Variants in ENPP6 observed in about 807,000 individuals in gnomAD.
ENPP6 encodes the protein glycerophosphocholine cholinephosphodiesterase ENPP6.
A neutral mutation model predicts 42.0 loss-of-function variants in ENPP6; 32 were observed. The ratio of observed to expected loss-of-function variants is 0.76; its 90% CI spans 0.58 to 1.02. The LOEUF (loss-of-function observed/expected upper bound fraction) is 1.02, where lower values mean the gene tolerates loss of function less well. ENPP6 is among the 50% of genes least tolerant of loss of function. The probability of loss-of-function intolerance (pLI) is 0.00; values close to 1 mark genes in which losing one functional copy is unlikely to be tolerated. For missense variants in ENPP6, 552 were observed against 566.8 expected (o/e 0.97, Z 0.27); for synonymous variants, 213 against 216.0 (o/e 0.99, Z 0.12).
At chr4:184,101,265 C>A (rs1315492184) in intron 6 of ENPP6, among the ~76,000 whole-genome samples, 5 of 148,748 alleles carry the variant, frequency 3.4e-5, no homozygotes, top group Non-Finnish European at 7.5e-5. Context: ...TTATGTGTGT[C>A]TGTGTTGCAC....
At chr4:184,109,243 CA>C (rs60675112) in intron 6 of ENPP6, among the ~76,000 whole-genome samples, 19,055 of 134,094 alleles carry the variant, frequency 0.14, 2,998 homozygotes, top group African/African-American at 0.38. Context: ...CAAAAAAAAA[CA>C]AAACAAACAA....
chr4:184,153,215 T>A (rs527863883), intron 2 of ENPP6, among the ~76,000 whole-genome samples: 16 of 150,650 alleles, frequency 1.1e-4, no homozygotes, highest in Admixed American at 6.0e-4. Context: ...AACCTCCGCC[T>A]CCTGGGTTCA....
intron 7 of ENPP6, among the ~76,000 whole-genome samples, chr4:184,093,386 C>A (rs77597193): frequency 0.36 from 53,987 of 151,708 alleles, 10,925 homozygotes; most frequent in East Asian, 0.62. Flanking sequence ...CACCTGTAAT[C>A]CCAGCACTTT....
chr4:184,125,418 G>A (rs1415904500), intron 2 of ENPP6, among the ~76,000 whole-genome samples: 1 of 152,176 alleles, frequency 6.6e-6, no homozygotes, highest in Non-Finnish European at 1.5e-5. Context: ...GGTGCCAGGA[G>A]ACCAGATGCT....
At chr4:184,195,869 A>T (rs1184302286) in intron 1 of ENPP6, among the ~76,000 whole-genome samples, 1 of 152,096 alleles carries the variant, frequency 6.6e-6, no homozygotes, top group Admixed American at 6.5e-5. Flanking sequence ...TTTAGCTTAG[A>T]CTCTCATCTG....
At chr4:184,116,330 G>A (rs1736313912) in intron 5 of ENPP6, among the ~76,000 whole-genome samples, 1 of 152,200 alleles carries the variant, frequency 6.6e-6, no homozygotes, top group Admixed American at 6.5e-5. Context: ...GCCCATTTCA[G>A]AGAAGAAAAA....
At chr4:184,116,745 C>G (rs1020710090) in intron 5 of ENPP6, 111 bp downstream of exon 5, 52 of 1,422,810 alleles carry the variant, frequency 3.7e-5, no homozygotes, top group Non-Finnish European at 4.8e-5. Flanking sequence ...AAAAAAGAAA[C>G]AAACACACAC....
intron 1 of ENPP6, among the ~76,000 whole-genome samples, chr4:184,208,952 G>A (rs975893438): frequency 3.5e-5 from 5 of 142,028 alleles, no homozygotes; most frequent in East Asian, 2.0e-4. Flanking sequence ...AGCCTAACTG[G>A]GAGGCACCCC....
chr4:184,097,456 G>A, intron 6 of ENPP6, 88 bp from the exon 7 acceptor site: 2 of 1,568,348 alleles, frequency 1.3e-6, no homozygotes, highest in Non-Finnish European at 1.7e-6. Context: ...TCCACCGGGG[G>A]GCGCTTTCCT....
chr4:184,149,793 C>G (rs930014977), intron 2 of ENPP6, among the ~76,000 whole-genome samples: 1 of 152,190 alleles, frequency 6.6e-6, no homozygotes, highest in African/African-American at 2.4e-5. Context: ...TTAAAAACTG[C>G]TGCCAGCATG....
chr4:184,172,015 G>A (rs1267835187), intron 1 of ENPP6, among the ~76,000 whole-genome samples: 4 of 152,260 alleles, frequency 2.6e-5, no homozygotes, highest in Non-Finnish European at 5.9e-5. Context: ...CTAGGCGGCC[G>A]GGAGGGTTTG....
intron 1 of ENPP6, among the ~76,000 whole-genome samples, chr4:184,159,072 T>C (rs1024547642): frequency 2.6e-5 from 4 of 152,222 alleles, no homozygotes; most frequent in Admixed American, 2.0e-4. Context: ...TGGCTACATG[T>C]TTTATGTCAT....
chr4:184,189,175 C>T (rs143887104), intron 1 of ENPP6, among the ~76,000 whole-genome samples: 1 of 152,150 alleles, frequency 6.6e-6, no homozygotes, highest in African/African-American at 2.4e-5. Flanking sequence ...TTTCTCCTCT[C>T]AGCCGCCTTC....
At chr4:184,171,825 G>A (rs896516611) in intron 1 of ENPP6, among the ~76,000 whole-genome samples, 9 of 151,812 alleles carry the variant, frequency 5.9e-5, no homozygotes, top group African/African-American at 1.7e-4. Flanking sequence ...GGCACGATTC[G>A]AGATGCTGAG....
At chr4:184,091,943 C>A (rs1412221741) in intron 7 of ENPP6, among the ~76,000 whole-genome samples, 2 of 152,128 alleles carry the variant, frequency 1.3e-5, no homozygotes, top group Non-Finnish European at 2.9e-5. Flanking sequence ...TAACTGTGCT[C>A]TCTTTGTGAC....
chr4:184,097,846 G>T (rs1208712726), intron 6 of ENPP6, among the ~76,000 whole-genome samples: 2 of 152,184 alleles, frequency 1.3e-5, no homozygotes, highest in Admixed American at 1.3e-4. Context: ...CCTGGGGCTG[G>T]GGGCTAGACA....
chr4:184,129,093 G>A (rs1385620875), intron 2 of ENPP6, among the ~76,000 whole-genome samples: 1 of 152,086 alleles, frequency 6.6e-6, no homozygotes, highest in African/African-American at 2.4e-5. Context: ...TAGGTGAGAA[G>A]CAAATCAGGA....
At chr4:184,168,426 A>G (rs1375677171) in intron 1 of ENPP6, among the ~76,000 whole-genome samples, 1 of 152,236 alleles carries the variant, frequency 6.6e-6, no homozygotes, top group African/African-American at 2.4e-5. Context: ...TTGCAGAGGA[A>G]AAGTCTCAAA....
chr4:184,146,564 G>A (rs973288910), intron 2 of ENPP6, among the ~76,000 whole-genome samples: 5 of 152,208 alleles, frequency 3.3e-5, no homozygotes, highest in Admixed American at 3.3e-4. Flanking sequence ...TAGCCGCAAA[G>A]TCCAGAGCTG....
Sources: gnomAD v4.1 joint callset for allele counts (sites outside exome capture counted in the v4.1 genomes callset) on GRCh38, gnomAD v4.1.1 for gene constraint, MANE v1.5 for transcripts, NCBI Gene and HGNC (gene_info 2026-07-23, HGNC 2026-07-21) for gene names.